The following RIPOR3 variants were observed in gnomAD, a reference collection of about 807,000 sequenced individuals.
RIPOR3 encodes family with sequence similarity 65 member C.
RIPOR3 carries 95 observed loss-of-function variants against 114.3 expected under a neutral mutation model. That is an observed-to-expected ratio of 0.83 (90% confidence interval 0.70 to 0.99). RIPOR3 has a LOEUF of 0.99. RIPOR3 is among the 50% of genes least tolerant of loss of function. RIPOR3 has a pLI of 0.00. For missense variants in RIPOR3, 1,252 were observed against 1,266.9 expected, an observed-to-expected ratio of 0.99 and a Z score of 0.18; for synonymous variants, 575 against 543.8, an observed-to-expected ratio of 1.06 and a Z score of -0.80.
At chr20:50,677,960 G>A (rs770291334) in intron 1 of RIPOR3, among the ~76,000 whole-genome samples, 15 of 152,200 alleles carry the variant, frequency 9.9e-5, no homozygotes, top group Non-Finnish European at 2.1e-4. Flanking sequence ...ATGAGCCACC[G>A]CGCCTGGCCT....
intron 4 of RIPOR3, among the ~76,000 whole-genome samples, chr20:50,612,136 A>G (rs991272882): frequency 6.6e-6 from 1 of 151,896 alleles, no homozygotes; most frequent in African/African-American, 2.4e-5. Flanking sequence ...AAAAAAAAAA[A>G]AAAAGAAAAA....
At chr20:50,629,612 GC>G (rs1188710012) in intron 2 of RIPOR3, among the ~76,000 whole-genome samples, 2 of 152,144 alleles carry the variant, frequency 1.3e-5, no homozygotes, top group African/African-American at 4.8e-5. Flanking sequence ...GGTCAATGCT[GC>G]CCCCCAGGCC....
chr20:50,666,209 T>TTTCTTTTCTTTTCTTTTCTTTTCTC (rs2086221696), intron 1 of RIPOR3, among the ~76,000 whole-genome samples: 1 of 114,066 alleles, frequency 8.8e-6, no homozygotes, highest in Non-Finnish European at 1.8e-5. Context: ...TTTCTTTTCT[T>TTTCTTTTCTTTTCTTTTCTTTTCTC]TTCTTTTCTT....
intron 1 of RIPOR3, among the ~76,000 whole-genome samples, chr20:50,668,094 C>T (rs779201798): frequency 3.3e-5 from 5 of 152,140 alleles, no homozygotes; most frequent in Non-Finnish European, 7.4e-5. Context: ...GGGAGTATGA[C>T]CTGCTGTTCC....
At position 50,591,161 on chromosome 20, in the gene RIPOR3, A is replaced by G. The variant is rs577595696; in HGVS notation, c.2577+1183T>C. Among the ~76,000 whole-genome samples the G allele has an allele frequency of 4.6e-5, 7 of 152,332 alleles. No homozygotes were observed. In the South Asian group the frequency reaches 1.0e-3, roughly 23 times the overall value. On this transcript the variant is annotated intron_variant, in intron 19 of 21. Transcript: ENST00000327979. ...GATTGGAAGCCATCAGCCAATCACA[A>G]TGTGTGTCCTTATGTAGATACTATT...
intron 1 of RIPOR3, among the ~76,000 whole-genome samples, chr20:50,645,134 G>A (rs747276456): frequency 1.3e-5 from 2 of 152,030 alleles, no homozygotes; most frequent in Admixed American, 6.6e-5. Context: ...GAGCCACTGC[G>A]CCTGGCCCCC....
intron 3 of RIPOR3, among the ~76,000 whole-genome samples, chr20:50,617,926 C>A (rs1370351487): frequency 6.6e-6 from 1 of 151,888 alleles, no homozygotes; most frequent in Non-Finnish European, 1.5e-5. Flanking sequence ...CTGGTTTCAA[C>A]TTTTACTTGA....
At chr20:50,663,282 T>G (rs111352496) in intron 1 of RIPOR3, among the ~76,000 whole-genome samples, 2,512 of 152,092 alleles carry the variant, frequency 0.017, 76 homozygotes, top group African/African-American at 0.055. Context: ...CTGCCTCCCA[T>G]CAGCACCTTA....
Position 50,587,259 on chromosome 20 carries a change from C to G in RIPOR3, c.2826G>C (p.Glu942Asp). 1 of 1,614,210 alleles carries G rather than the reference C, an allele frequency of 6.2e-7. No homozygotes were observed. ...CSEQREVFCQEADVEITIF is the reference protein window; with the variant it reads ...CSEQREVFCQDADVEITIF The stretch of plus-strand genomic sequence containing the variant: ...AAAATATTGTGATTTCAACATCTGC[C>G]TCCTGGCAAAAGACTTCTCTTTGTT... The change falls in exon 22 of 22, where the codon GAG becomes GAC. Residue 942 changes from glutamate to aspartate, a missense_variant. By Grantham distance (45) the Glu-to-Asp change is conservative. Coordinates refer to ENST00000327979, the MANE Select transcript of RIPOR3 (RefSeq NM_001290268.2).
chr20:50,673,006 A>G (rs1252626450), intron 1 of RIPOR3, among the ~76,000 whole-genome samples: 1 of 152,140 alleles, frequency 6.6e-6, no homozygotes, highest in Non-Finnish European at 1.5e-5. Context: ...CTGGGTGGCA[A>G]CCAACCCCAG....
At chr20:50,626,798 G>A (rs2084636173) in intron 2 of RIPOR3, among the ~76,000 whole-genome samples, 1 of 152,176 alleles carries the variant, frequency 6.6e-6, no homozygotes, top group Admixed American at 6.5e-5. Flanking sequence ...GAGGTGGGTG[G>A]ATCACCTGAA....
At chr20:50,606,216 A>G (rs2083709085) in intron 11 of RIPOR3, among the ~76,000 whole-genome samples, 1 of 152,172 alleles carries the variant, frequency 6.6e-6, no homozygotes, top group African/African-American at 2.4e-5. Flanking sequence ...AAAAAGAAAA[A>G]AAGAAACCTT....
intron 3 of RIPOR3, among the ~76,000 whole-genome samples, chr20:50,617,628 CTTTTT>C (rs71190578): frequency 2.8e-4 from 31 of 110,454 alleles, no homozygotes; most frequent in African/African-American, 1.1e-3. Context: ...GGTGGTTTCC[CTTTTT>C]TTTTTTTTTT....
chr20:50,633,387 C>T lies in RIPOR3; in HGVS notation c.4-2531G>A, dbSNP rs940798265. 5.9e-5 allele frequency among the ~76,000 whole-genome samples: 9 copies of T among 152,194 alleles called. No homozygotes were observed. The East Asian group carries it at 9.6e-4, about 16-fold the overall frequency. Reference sequence around the variant, plus strand: ...GTAAACGTATTTACACCACAGAAAGCGGCAAGTTCTACAAGTTAGGGTTTC... The same window carrying T: ...GTAAACGTATTTACACCACAGAAAGTGGCAAGTTCTACAAGTTAGGGTTTC... On this transcript the variant is annotated intron_variant, in intron 1 of 21. Coordinates refer to ENST00000327979, the MANE Select transcript of RIPOR3 (RefSeq NM_001290268.2).
intron 1 of RIPOR3, among the ~76,000 whole-genome samples, chr20:50,658,814 C>T (rs781191726): frequency 6.6e-6 from 1 of 152,120 alleles, no homozygotes; most frequent in East Asian, 1.9e-4. Context: ...AGATGAAACA[C>T]GTTCCTAGAG....
chr20:50,604,707 T>G lies in RIPOR3; in HGVS notation c.1024A>C (p.Lys342Gln). 1 of 1,609,904 alleles carries G rather than the reference T, an allele frequency of 6.2e-7. No individual in the cohort carries two copies. Among genetic ancestry groups the G allele is most frequent in the Non-Finnish European group, 8.5e-7 (1 of 1,178,504 alleles). The change falls in exon 12 of 22, where the codon AAG (lysine) becomes CAG (glutamine). Residue 342 changes from lysine (K) to glutamine (Q), a missense_variant. By Grantham distance (53) the Lys-to-Gln change is moderately conservative (BLOSUM62 1). Coordinates refer to ENST00000327979, the MANE Select transcript of RIPOR3 (RefSeq NM_001290268.2). ...GGTGTCCAGTTGTACAAGGAGCCCT[T>G]CCTGCTGCCCATAGAAAACTTGCCC... ...PTGKFSMGSR[K>Q]GSLYNWTPPS...
At chr20:50,587,772 C>T in intron 21 of RIPOR3, 30 bp downstream of exon 21, 1 of 1,611,712 alleles carries the variant, frequency 6.2e-7, no homozygotes, top group Non-Finnish European at 8.5e-7. Flanking sequence ...AGGCACCCCG[C>T]TGCGCTGCAC....
intron 2 of RIPOR3, among the ~76,000 whole-genome samples, chr20:50,627,441 C>T (rs1320383753): frequency 2.7e-5 from 4 of 149,486 alleles, no homozygotes; most frequent in Non-Finnish European, 4.4e-5. Context: ...ACTCAGGAGG[C>T]GGAGGTTGCA....
chr20:50,652,590 C>CAAAAAAAAAAAAAAAAAA (rs11470456), intron 1 of RIPOR3, among the ~76,000 whole-genome samples: 9 of 87,300 alleles, frequency 1.0e-4, no homozygotes, highest in East Asian at 3.4e-4. Context: ...GATTCTGTCT[C>CAAAAAAAAAAAAAAAAAA]AAAAAAAAAA....
Sources: gnomAD v4.1 joint callset for allele counts (sites outside exome capture counted in the v4.1 genomes callset) on GRCh38, gnomAD v4.1.1 for gene constraint, MANE v1.5 for transcripts, NCBI Gene and HGNC (gene_info 2026-07-23, HGNC 2026-07-21) for gene names.